PAQR3: variants seen among roughly 807,000 people sequenced by gnomAD.
PAQR3 encodes progestin and adipoQ receptor family member 3.
A neutral mutation model predicts 41.7 loss-of-function variants in PAQR3; 39 were observed. That is an observed-to-expected ratio of 0.93 (90% CI 0.72 to 1.22). The LOEUF (loss-of-function observed/expected upper bound fraction) is 1.22, where lower values mean the gene tolerates loss of function less well. Among genes scored for constraint, PAQR3 ranks in the 50% most tolerant of loss-of-function variants. The probability of loss-of-function intolerance (pLI) is 0.00; values close to 1 mark genes in which losing one functional copy is unlikely to be tolerated. For missense variants in PAQR3, 366 were observed against 385.6 expected (o/e 0.95, Z 0.42); for synonymous variants, 140 against 140.6 (o/e 1.00, Z 0.03).
At chr4:78,904,283 C>T (rs1734174061) in intron 11 of PAQR3, among the ~76,000 whole-genome samples, 1 of 151,396 alleles carries the variant, frequency 6.6e-6, no homozygotes, top group African/African-American at 2.4e-5. Context: ...CATTTTTTGC[C>T]CTAAAATGTT....
chr4:78,927,215 GCT>G (rs1736331352), intron 3 of PAQR3, among the ~76,000 whole-genome samples: 1 of 152,174 alleles, frequency 6.6e-6, no homozygotes, highest in Admixed American at 6.6e-5. Flanking sequence ...GGAAGACAGA[GCT>G]CTCAAGGAAA....
chr4:78,911,060 C>T (rs760828402), downstream of PAQR3: 53 of 1,613,826 alleles, frequency 3.3e-5, no homozygotes, highest in Non-Finnish European at 4.2e-5. Context: ...ATACTCCTCA[C>T]CTCAGCCCAA....
At chr4:78,934,288 T>C (rs957096902) in intron 2 of PAQR3, among the ~76,000 whole-genome samples, 4 of 152,184 alleles carry the variant, frequency 2.6e-5, no homozygotes, top group African/African-American at 9.6e-5. Context: ...CTCTCTGAAA[T>C]AAAATGATAC....
In PAQR3 at chr4:78,894,416, G is replaced by T. The variant is rs531170038; in HGVS notation, c.*837-6268C>A. Among the ~76,000 whole-genome samples, 24 of 152,238 alleles carry T rather than the reference G, an allele frequency of 1.6e-4. No homozygotes were observed. The South Asian group carries it at 4.8e-3, about 30-fold the overall frequency. ...CCGGATAACTTGTTACACTTCCTGC[G>T]TTACCTGTACTTACATGTTCTGGAG... On this transcript the variant is annotated intron_variant and NMD_transcript_variant, in intron 11 of 12. Transcript: ENST00000342820.
Position 78,917,819 on chromosome 4 carries a change from A to G in PAQR3, c.*2720T>C. On this transcript the variant is annotated 3_prime_UTR_variant, in exon 6 of 6. Transcript: ENST00000512733. ...GTCAATCACAATCTTCAAATCGGATATTCTGTCCAGGTGGGATGCCATAAG... is the reference window on the plus strand; with the variant it reads ...GTCAATCACAATCTTCAAATCGGATGTTCTGTCCAGGTGGGATGCCATAAG... 7.1e-6 allele frequency: 7 copies of G among 985,398 alleles called. No homozygotes were observed. The highest frequency in any genetic ancestry group is 4.7e-5 in the South Asian group (1 of 21,276). 61.0% of individuals were successfully genotyped at this position (985,398 alleles called of 1,614,324 possible).
downstream of PAQR3, among the ~76,000 whole-genome samples, chr4:78,907,386 CAATGTAAT>C (rs1734337818): frequency 6.6e-6 from 1 of 152,158 alleles, no homozygotes; most frequent in African/African-American, 2.4e-5. Flanking sequence ...CTAGGGAGTA[CAATGTAAT>C]AATTTTAAAA....
Position 78,918,522 on chromosome 4 carries a change from TAC to T in PAQR3, c.*2015_*2016del. 1.0e-6 allele frequency: 1 copy of T among 967,884 alleles called. No individual in the cohort carries two copies. The highest frequency in any genetic ancestry group is 1.2e-6 in the Non-Finnish European group (1 of 813,730). 60.0% of individuals were successfully genotyped at this position (967,884 alleles called of 1,614,324 possible). A position where few individuals can be genotyped will look rare whatever the true frequency, so the allele number is the denominator to read the frequency against. ...TTTCTTACAATATTTAACATTTTCA[TAC>T]AGAGTTGAAATGTTTACATGGAATA... is the stretch of plus-strand genomic sequence containing the variant. On this transcript the variant is annotated 3_prime_UTR_variant, in exon 6 of 6. Transcript: ENST00000512733.
chr4:78,911,311 A>T, downstream of PAQR3: 1 of 1,613,934 alleles, frequency 6.2e-7, no homozygotes. Context: ...GGCACATACT[A>T]TCCCTGGTTA....
Position 78,917,312 on chromosome 4 carries a change from G to A in PAQR3, c.*3227C>T, listed in dbSNP as rs1196291253. On this transcript the variant is annotated 3_prime_UTR_variant, in exon 6 of 6. Transcript: ENST00000512733. ...ATTGAGATTATGTGCAGGTTAGGTA[G>A]TATTTTGATCTCAGATTTTATAGAG... 2 of 151,942 alleles carry A rather than the reference G, an allele frequency of 1.3e-5. No individual in the cohort carries two copies. Among genetic ancestry groups the A allele is most frequent in the African/African-American group, 4.8e-5 (2 of 41,412 alleles). 9.4% of individuals were successfully genotyped at this position (151,942 alleles called of 1,614,324 possible). A position where few individuals can be genotyped will look rare whatever the true frequency, so the allele number is the denominator to read the frequency against.
intron 11 of PAQR3, among the ~76,000 whole-genome samples, chr4:78,891,611 A>G (rs1329823292): frequency 6.6e-6 from 1 of 152,046 alleles, no homozygotes; most frequent in South Asian, 2.1e-4. Flanking sequence ...CCTTGGCTTT[A>G]TATTACAGAC....
chr4:78,888,284 T>A (rs1047086152), intron 11 of PAQR3: 1 of 152,220 alleles, frequency 6.6e-6, no homozygotes, highest in Admixed American at 6.5e-5. Context: ...ATGACATAAT[T>A]AACTGGGGAA....
chr4:78,921,666 G>A (rs1452570121), intron 5 of PAQR3: 1 of 984,256 alleles, frequency 1.0e-6, no homozygotes, highest in Non-Finnish European at 1.2e-6. Flanking sequence ...AAATGCCACT[G>A]TGTTGTGTAT....
intron 2 of PAQR3, among the ~76,000 whole-genome samples, chr4:78,933,858 A>G (rs1263010808): frequency 6.6e-6 from 1 of 152,234 alleles, no homozygotes; most frequent in Non-Finnish European, 1.5e-5. Flanking sequence ...AGGCATAAAG[A>G]ATAGGCCTAG....
rs1318516730 is a variant in PAQR3 at position 78,918,648 on chromosome 4, G to C, written c.*1891C>G. 1.1e-6 allele frequency: 1 copy of C among 949,114 alleles called. No homozygotes were observed. The highest frequency in any genetic ancestry group is 1.3e-6 in the Non-Finnish European group (1 of 796,952). The allele number at this position is 949,114 out of a possible 1,614,324, so 58.8% of individuals were successfully genotyped here. On this transcript the variant is annotated 3_prime_UTR_variant, in exon 6 of 6. Coordinates refer to ENST00000512733, the MANE Select transcript of PAQR3 (RefSeq NM_001040202.2). ...TTCATGTTATTAATTCAAATGGCAA[G>C]TATGTATTCATATACTAATACAGGG...
chr4:78,911,129 T>C, downstream of PAQR3: 1 of 1,613,930 alleles, frequency 6.2e-7, no homozygotes, highest in Non-Finnish European at 8.5e-7. Context: ...TTTGGCGCTG[T>C]CCCCTTCTTT....
At chr4:78,910,948 A>C (rs775764016), downstream of PAQR3, 19 of 1,613,786 alleles carry the variant, frequency 1.2e-5, no homozygotes, top group South Asian at 2.1e-4. Flanking sequence ...GGAGAAACAT[A>C]GCTCTGATTC....
rs1042850155 is a variant in PAQR3 at position 78,918,431 on chromosome 4, T to TATTC, written c.*2104_*2107dup. On this transcript the variant is annotated 3_prime_UTR_variant, in exon 6 of 6. Coordinates refer to ENST00000512733, the MANE Select transcript of PAQR3 (RefSeq NM_001040202.2). ...AGTGTTTCTAGTTAACAGCAATCCA[T>TATTC]ATTCATTCATTCATTCCCTATTTTA... is the stretch of plus-strand genomic sequence containing the variant. The TATTC allele has an allele frequency of 2.1e-6, 2 of 974,782 alleles. No individual in the cohort carries two copies. Among genetic ancestry groups the TATTC allele is most frequent in the Non-Finnish European group, 2.4e-6 (2 of 819,924 alleles). 60.4% of individuals were successfully genotyped at this position (974,782 alleles called of 1,614,324 possible).
Position 78,939,069 on chromosome 4 carries a change from G to A in PAQR3, c.156C>T (p.Ala52=). 5 of 1,610,304 alleles carry A rather than the reference G, an allele frequency of 3.1e-6. No homozygotes were observed. The highest frequency in any genetic ancestry group is 4.2e-6 in the Non-Finnish European group (5 of 1,177,230). Residue 52 remains alanine (A), a synonymous_variant, in exon 1 of 6, where the codon GCC becomes GCT. Coordinates refer to ENST00000512733, the MANE Select transcript of PAQR3 (RefSeq NM_001040202.2). ...TGATACACAGCCTGGACGGCAGGTA[G>A]GCCCGGTAGCCGTCGGTGATGTACG... ...DNPYITDGYR[A]YLPSRLCIKS...
At chr4:78,892,716 T>A (rs1157604286) in intron 11 of PAQR3, among the ~76,000 whole-genome samples, 1 of 152,222 alleles carries the variant, frequency 6.6e-6, no homozygotes, top group Non-Finnish European at 1.5e-5. Flanking sequence ...GGACACACAT[T>A]TTTTTGTTTC....
Sources: allele counts gnomAD v4.1 joint callset (sites outside exome capture counted in the v4.1 genomes callset), GRCh38; gene constraint gnomAD v4.1.1; transcripts MANE v1.5; gene names NCBI Gene and HGNC (gene_info 2026-07-23, HGNC 2026-07-21).